JARID2: variants seen among roughly 807,000 people sequenced by gnomAD.
JARID2 encodes protein Jumonji.
Under a neutral mutation model 125.6 loss-of-function variants are expected in JARID2, and 21 were observed. The ratio of observed to expected loss-of-function variants is 0.17; its 90% confidence interval spans 0.12 to 0.24. The LOEUF is 0.24. JARID2 is among the 10% of genes least tolerant of loss of function. The probability of loss-of-function intolerance (pLI) is 1.00; values close to 1 mark genes in which losing one functional copy is unlikely to be tolerated. For synonymous variants in JARID2, 736 were observed against 661.6 expected, an observed-to-expected ratio of 1.11 and a Z score of -1.73; for missense variants, 1,303 against 1,639.6, an observed-to-expected ratio of 0.79 and a Z score of 3.55.
intron 1 of JARID2, among the ~76,000 whole-genome samples, chr6:15,286,066 A>G (rs1760987649): frequency 6.6e-6 from 1 of 151,940 alleles, no homozygotes. Flanking sequence ...TTGTTTCCTG[A>G]GTCTCACTCT....
intron 16 of JARID2, among the ~76,000 whole-genome samples, chr6:15,516,084 T>C (rs904495400): frequency 6.6e-6 from 1 of 152,120 alleles, no homozygotes; most frequent in Non-Finnish European, 1.5e-5. Context: ...GGATTACTAA[T>C]ACATTTGTGA....
chr6:15,288,405 T>A (rs1458075112), intron 1 of JARID2, among the ~76,000 whole-genome samples: 1 of 152,160 alleles, frequency 6.6e-6, no homozygotes, highest in Non-Finnish European at 1.5e-5. Context: ...CCATGAGGGA[T>A]CCACCCCTAT....
At chr6:15,442,094 A>G (rs191923668) in intron 3 of JARID2, among the ~76,000 whole-genome samples, 211 of 149,828 alleles carry the variant, frequency 1.4e-3, no homozygotes, top group African/African-American at 4.9e-3. Flanking sequence ...TTCTTCTTAT[A>G]TTTCTCTTGC....
intron 16 of JARID2, 53 bp from the exon 17 acceptor site, chr6:15,517,108 A>T (rs560386996): frequency 1.5e-6 from 2 of 1,377,038 alleles, no homozygotes; most frequent in South Asian, 2.3e-5. Flanking sequence ...TTACCCTCCC[A>T]GGGCGCTGTG....
intron 3 of JARID2, among the ~76,000 whole-genome samples, chr6:15,412,675 C>G (rs1213023864): frequency 6.6e-6 from 1 of 152,134 alleles, no homozygotes; most frequent in Non-Finnish European, 1.5e-5. Flanking sequence ...TTAAGAACTC[C>G]TTTGTTTTGA....
chr6:15,282,487 C>G (rs1760790763), intron 1 of JARID2, among the ~76,000 whole-genome samples: 1 of 151,886 alleles, frequency 6.6e-6, no homozygotes, highest in Non-Finnish European at 1.5e-5. Flanking sequence ...AACTTTTATC[C>G]ACTATTATAT....
chr6:15,281,463 G>T (rs1467450494), intron 1 of JARID2, among the ~76,000 whole-genome samples: 1 of 152,170 alleles, frequency 6.6e-6, no homozygotes, highest in Non-Finnish European at 1.5e-5. Context: ...ATCTCCTATT[G>T]TACTGCCTTC....
intron 1 of JARID2, among the ~76,000 whole-genome samples, chr6:15,271,091 G>A (rs1248410831): frequency 2.6e-5 from 4 of 152,330 alleles, no homozygotes; most frequent in African/African-American, 9.6e-5. Context: ...TCTTTCAGAA[G>A]TTTGTAGCCT....
intron 1 of JARID2, among the ~76,000 whole-genome samples, chr6:15,310,515 T>G (rs564178788): frequency 2.4e-4 from 37 of 152,316 alleles, no homozygotes; most frequent in African/African-American, 8.4e-4. Context: ...TAGGGATTCT[T>G]AAGATGGCAC....
intron 3 of JARID2, among the ~76,000 whole-genome samples, chr6:15,442,397 C>CAAATTAT (rs1217464397): frequency 1.1e-4 from 17 of 152,316 alleles, no homozygotes; most frequent in Non-Finnish European, 2.4e-4. Context: ...ACTACAACAG[C>CAAATTAT]CTATTAGAAA....
intron 3 of JARID2, among the ~76,000 whole-genome samples, chr6:15,432,623 G>T (rs1376162979): frequency 1.3e-5 from 2 of 152,208 alleles, no homozygotes; most frequent in Non-Finnish European, 2.9e-5. Context: ...TGAAGAGGAT[G>T]AAGTGAAGTT....
At chr6:15,421,249 A>T (rs1442841217) in intron 3 of JARID2, among the ~76,000 whole-genome samples, 1 of 152,054 alleles carries the variant, frequency 6.6e-6, no homozygotes, top group African/African-American at 2.4e-5. Context: ...GTGGATTTTT[A>T]GTTCTTTCAG....
chr6:15,326,159 A>T (rs1762526631), intron 1 of JARID2, among the ~76,000 whole-genome samples: 1 of 152,200 alleles, frequency 6.6e-6, no homozygotes, highest in Non-Finnish European at 1.5e-5. Flanking sequence ...CAGAAGTATC[A>T]ACCCATGGTG....
Position 15,247,964 on chromosome 6 carries a change from T to A in JARID2, c.45+1380T>A, listed in dbSNP as rs1228080431. The A allele has an allele frequency of 3.0e-6, 3 of 985,298 alleles. No homozygotes were observed. The African/African-American group carries it at 5.2e-5, about 17-fold the overall frequency. 61.0% of individuals were successfully genotyped at this position (985,298 alleles called of 1,614,324 possible). ...GGACGCCTTCCCGGGGCACGTCCGTTTCGGATGCAGCCACAAAGCAAATGG... is the reference window on the plus strand; with the variant it reads ...GGACGCCTTCCCGGGGCACGTCCGTATCGGATGCAGCCACAAAGCAAATGG... On this transcript the variant is annotated intron_variant, in intron 1 of 17. Coordinates refer to ENST00000341776, the MANE Select transcript of JARID2 (RefSeq NM_004973.4).
chr6:15,372,108 A>G (rs972342502), intron 1 of JARID2, among the ~76,000 whole-genome samples: 1 of 152,218 alleles, frequency 6.6e-6, no homozygotes, highest in African/African-American at 2.4e-5. Context: ...GATTTCTAAA[A>G]TGAAGTTTGT....
intron 3 of JARID2, among the ~76,000 whole-genome samples, chr6:15,440,392 A>G (rs1260945097): frequency 2.0e-5 from 3 of 152,166 alleles, no homozygotes; most frequent in Admixed American, 2.0e-4. Context: ...GTGAGTTGGA[A>G]GGTTTGGGCT....
chr6:15,512,074 GTC>G (rs1771306345), intron 13 of JARID2, 132 bp from the exon 14 acceptor site: 1 of 717,202 alleles, frequency 1.4e-6, no homozygotes. Flanking sequence ...TATGAATGAC[GTC>G]TTTTTATTTT....
chr6:15,506,768 C>G (rs966118232), intron 9 of JARID2, among the ~76,000 whole-genome samples: 1 of 152,186 alleles, frequency 6.6e-6, no homozygotes, highest in Non-Finnish European at 1.5e-5. Context: ...CCAGGTTCAT[C>G]TATGTTGTAG....
At chr6:15,343,036 C>T (rs1430253964) in intron 1 of JARID2, among the ~76,000 whole-genome samples, 1 of 151,972 alleles carries the variant, frequency 6.6e-6, no homozygotes, top group Non-Finnish European at 1.5e-5. Context: ...TTGAGACCAG[C>T]CTGGCCAGTG....
Sources: allele counts gnomAD v4.1 joint callset (sites outside exome capture counted in the v4.1 genomes callset), GRCh38; gene constraint gnomAD v4.1.1; transcripts MANE v1.5; gene names NCBI Gene and HGNC (gene_info 2026-07-23, HGNC 2026-07-21).